Variants in SOX5 observed in about 807,000 individuals in gnomAD.
The protein encoded by SOX5 is transcription factor SOX-5.
In SOX5, 9 loss-of-function variants were observed where a neutral mutation model predicts 92.0. That is an observed-to-expected ratio of 0.10 (90% confidence interval 0.06 to 0.17). The LOEUF (loss-of-function observed/expected upper bound fraction) is 0.17, where lower values mean the gene tolerates loss of function less well. SOX5 is among the 10% of genes least tolerant of loss of function. The pLI, the probability that SOX5 is intolerant of heterozygous loss-of-function variation, is 1.00. For missense variants in SOX5, 642 were observed against 944.5 expected, an observed-to-expected ratio of 0.68 and a Z score of 4.20; for synonymous variants, 344 against 336.3, an observed-to-expected ratio of 1.02 and a Z score of -0.25.
At chr12:23,810,486 T>C (rs2095857838) in intron 3 of SOX5, among the ~76,000 whole-genome samples, 1 of 152,154 alleles carries the variant, frequency 6.6e-6, no homozygotes, top group Non-Finnish European at 1.5e-5. Flanking sequence ...GACAGTTGTT[T>C]TAACAGCTGA....
chr12:24,017,293 T>C (rs1259203029), intron 4 of SOX5, among the ~76,000 whole-genome samples: 2 of 152,142 alleles, frequency 1.3e-5, no homozygotes, highest in Non-Finnish European at 2.9e-5. Flanking sequence ...GTAGCTGAAC[T>C]AAGCTGGAGA....
At chr12:23,786,732 T>G (rs1178208679) in intron 3 of SOX5, among the ~76,000 whole-genome samples, 1 of 145,382 alleles carries the variant, frequency 6.9e-6, no homozygotes, top group Non-Finnish European at 1.5e-5. Context: ...TATTATAACA[T>G]TTACTGTCTC....
chr12:23,724,433 C>T (rs1272688834), intron 6 of SOX5, among the ~76,000 whole-genome samples: 1 of 152,080 alleles, frequency 6.6e-6, no homozygotes, highest in South Asian at 2.1e-4. Flanking sequence ...TTCTTCTTAC[C>T]AGTACAGTAC....
At position 24,440,742 on chromosome 12, in the gene SOX5, A is replaced by G. The variant is rs78508620; in HGVS notation, c.-250-72103T>C. On this transcript the variant is annotated intron_variant, in intron 1 of 4. Coordinates refer to the SOX5 transcript ENST00000446891. ...CTAAAGTCTCCGTCCTCCTCCCCTCACCTACTCCCTCAAGGAGAGGTGAGG... is the reference window on the plus strand; with the variant it reads ...CTAAAGTCTCCGTCCTCCTCCCCTCGCCTACTCCCTCAAGGAGAGGTGAGG... 3.4e-3 allele frequency among the ~76,000 whole-genome samples: 513 copies of G among 151,778 alleles called. 2 individuals are homozygous for G. The highest frequency in any genetic ancestry group is 3.5e-3 in the Non-Finnish European group (241 of 67,918).
chr12:23,731,445 G>A (rs2093389553), intron 6 of SOX5, among the ~76,000 whole-genome samples: 1 of 152,064 alleles, frequency 6.6e-6, no homozygotes, highest in South Asian at 2.1e-4. Flanking sequence ...GGGGAGCCCT[G>A]AGTAATATAC....
intron 7 of SOX5, among the ~76,000 whole-genome samples, chr12:23,661,414 G>A (rs895981526): frequency 2.6e-5 from 4 of 152,200 alleles, no homozygotes. Context: ...GGCCTGGAGT[G>A]TGAGTGAGAC....
intron 8 of SOX5, among the ~76,000 whole-genome samples, chr12:23,606,462 A>G (rs568886251): frequency 1.3e-5 from 2 of 151,872 alleles, no homozygotes; most frequent in East Asian, 1.9e-4. Context: ...GACATGGAAC[A>G]TACAATATCT....
chr12:23,611,359 T>C (rs2075922811), intron 8 of SOX5, among the ~76,000 whole-genome samples: 1 of 138,054 alleles, frequency 7.2e-6, no homozygotes, highest in African/African-American at 2.6e-5. Flanking sequence ...CCATCGTGTG[T>C]GTGTGTGTGC....
At chr12:23,789,762 A>G (rs2095439081) in intron 3 of SOX5, among the ~76,000 whole-genome samples, 1 of 152,190 alleles carries the variant, frequency 6.6e-6, no homozygotes, top group Admixed American at 6.5e-5. Context: ...AATTACTTTT[A>G]CTGCAGTTGA....
chr12:24,183,058 T>C (rs1955670200), intron 4 of SOX5, among the ~76,000 whole-genome samples: 1 of 152,148 alleles, frequency 6.6e-6, no homozygotes, highest in African/African-American at 2.4e-5. Context: ...TTTACCAGCA[T>C]TATAATTTGC....
At chr12:24,381,712 T>C (rs1414354427) in intron 1 of SOX5, among the ~76,000 whole-genome samples, 2 of 152,222 alleles carry the variant, frequency 1.3e-5, no homozygotes, top group Non-Finnish European at 2.9e-5. Context: ...ATGTCTCTTA[T>C]GAGCCTCATA....
chr12:24,295,793 C>T (rs1309488522), intron 2 of SOX5, among the ~76,000 whole-genome samples: 1 of 152,080 alleles, frequency 6.6e-6, no homozygotes, highest in Non-Finnish European at 1.5e-5. Flanking sequence ...GTTTTGAACT[C>T]CTGACCTCAA....
At chr12:24,312,429 T>A (rs1565883033) in intron 2 of SOX5, among the ~76,000 whole-genome samples, 1 of 152,198 alleles carries the variant, frequency 6.6e-6, no homozygotes, top group East Asian at 1.9e-4. Context: ...ATTAGCAACC[T>A]GCCATTTCTT....
At chr12:24,433,912 T>C (rs1188953200) in intron 1 of SOX5, among the ~76,000 whole-genome samples, 1 of 152,062 alleles carries the variant, frequency 6.6e-6, no homozygotes, top group Non-Finnish European at 1.5e-5. Context: ...ACATGTCAAA[T>C]AGCAAGAGAG....
At chr12:23,540,222 A>G (rs1040583795) in intron 13 of SOX5, among the ~76,000 whole-genome samples, 23 of 151,986 alleles carry the variant, frequency 1.5e-4, no homozygotes, top group Non-Finnish European at 2.9e-5. Flanking sequence ...TTAGAATAAA[A>G]AAGCAGAGAA....
intron 1 of SOX5, among the ~76,000 whole-genome samples, chr12:24,469,584 G>A (rs1369319400): frequency 6.6e-6 from 1 of 152,086 alleles, no homozygotes; most frequent in East Asian, 1.9e-4. Context: ...CACTTTCTAT[G>A]ACGCCCCAGG....
chr12:23,869,818 A>T (rs959155804), intron 2 of SOX5, among the ~76,000 whole-genome samples: 16 of 152,030 alleles, frequency 1.1e-4, no homozygotes, highest in African/African-American at 3.6e-4. Context: ...TTCTTCCCCC[A>T]TATACTCCCA....
chr12:24,145,629 T>G (rs1951005722), intron 4 of SOX5, among the ~76,000 whole-genome samples: 2 of 152,180 alleles, frequency 1.3e-5, no homozygotes, highest in Non-Finnish European at 1.5e-5. Context: ...CCCAAGTAGC[T>G]GAGACTACAA....
chr12:23,906,048 G>T (rs2097290517), intron 1 of SOX5, among the ~76,000 whole-genome samples: 1 of 152,184 alleles, frequency 6.6e-6, no homozygotes, highest in Non-Finnish European at 1.5e-5. Context: ...GTATCGAAGA[G>T]AAATTTCTTT....
Sources: allele counts gnomAD v4.1 joint callset (sites outside exome capture counted in the v4.1 genomes callset), GRCh38; gene constraint gnomAD v4.1.1; transcripts MANE v1.5; gene names NCBI Gene and HGNC (gene_info 2026-07-23, HGNC 2026-07-21).